The following CPNE4 variants were observed in gnomAD, a reference collection of about 807,000 sequenced individuals.
The protein encoded by CPNE4 is copine 4, also known as copine-4.
A neutral mutation model predicts 67.9 loss-of-function variants in CPNE4; 25 were observed. That is an observed-to-expected ratio of 0.37 (90% CI 0.27 to 0.51). The LOEUF (loss-of-function observed/expected upper bound fraction) is 0.51. Ranked by LOEUF, CPNE4 falls within the 20% of genes least tolerant of loss-of-function variation. The pLI is 0.93. For synonymous variants in CPNE4, 242 were observed against 244.9 expected (o/e 0.99, Z 0.11); for missense variants, 464 against 690.8 (o/e 0.67, Z 3.68).
At position 131,757,597 on chromosome 3, in the gene CPNE4, T is replaced by G. The variant is rs537713397; in HGVS notation, c.181-33972A>C. On this transcript the variant is annotated intron_variant, in intron 2 of 15. Coordinates refer to ENST00000429747, the MANE Select transcript of CPNE4 (RefSeq NM_130808.3). ...AGTGCAATAGAAAAGAAAATCCCAT[T>G]TTCTGAGAAGAAATTCAAGCCGGCT... Among the ~76,000 whole-genome samples the G allele has an allele frequency of 1.4e-3, 206 of 152,286 alleles. 2 individuals carry two copies. The highest frequency in any genetic ancestry group is 4.8e-3 in the African/African-American group (200 of 41,554).
chr3:131,878,468 T>C (rs554280091), intron 2 of CPNE4, among the ~76,000 whole-genome samples: 2 of 152,296 alleles, frequency 1.3e-5, no homozygotes, highest in South Asian at 4.1e-4. Context: ...TGGCACAGAA[T>C]GAGGGGCAGT....
At chr3:131,972,739 C>G (rs894547384) in intron 1 of CPNE4, among the ~76,000 whole-genome samples, 1 of 152,102 alleles carries the variant, frequency 6.6e-6, no homozygotes, top group Non-Finnish European at 1.5e-5. Context: ...GGCTCTCATC[C>G]TGCATTTGTT....
rs187394884 is a variant in CPNE4, at chr3:132,034,680, T to C, written c.-115A>G. 6.1e-6 allele frequency: 6 copies of C among 985,246 alleles called. 1 individual carries two copies. In the South Asian group the frequency reaches 1.4e-4, roughly 23 times the overall value. The allele number at this position is 985,246 out of a possible 1,614,324, so 61.0% of individuals were successfully genotyped here. Reference sequence around the variant, plus strand: ...GTGGAGGTGGTTGGTGTGGTAGTTTTGTACTGATGTAAGGGGCGTCGCACC... The same window carrying C: ...GTGGAGGTGGTTGGTGTGGTAGTTTCGTACTGATGTAAGGGGCGTCGCACC... On this transcript the variant is annotated 5_prime_UTR_variant, in exon 1 of 16. Coordinates refer to ENST00000429747, the MANE Select transcript of CPNE4 (RefSeq NM_130808.3).
intron 1 of CPNE4, among the ~76,000 whole-genome samples, chr3:131,958,448 A>C (rs1251568772): frequency 6.6e-6 from 1 of 152,008 alleles, no homozygotes. Flanking sequence ...GAGCCCAGGA[A>C]GCTGTTTCAG....
chr3:131,573,281 C>T (rs949705815), intron 10 of CPNE4, among the ~76,000 whole-genome samples: 5 of 152,032 alleles, frequency 3.3e-5, no homozygotes, highest in African/African-American at 1.2e-4. Context: ...CTCACACCTC[C>T]CACAGGTCTA....
intron 7 of CPNE4, among the ~76,000 whole-genome samples, chr3:131,612,613 C>T (rs1032986467): frequency 1.3e-5 from 2 of 152,026 alleles, no homozygotes; most frequent in East Asian, 1.9e-4. Flanking sequence ...TGGCAAATAC[C>T]GGGCACAGGC....
intron 2 of CPNE4, among the ~76,000 whole-genome samples, chr3:131,746,128 G>A (rs1159488698): frequency 1.3e-5 from 2 of 151,958 alleles, no homozygotes; most frequent in Non-Finnish European, 2.9e-5. Context: ...AGTGTTTCAG[G>A]TTTTAAAAAA....
At chr3:131,950,900 A>T (rs1235871564) in intron 1 of CPNE4, among the ~76,000 whole-genome samples, 1 of 152,184 alleles carries the variant, frequency 6.6e-6, no homozygotes, top group South Asian at 2.1e-4. Flanking sequence ...ATTTGTTTAC[A>T]TTTGGATTTA....
intron 1 of CPNE4, among the ~76,000 whole-genome samples, chr3:131,973,068 T>C (rs747209596): frequency 6.1e-4 from 93 of 152,248 alleles, no homozygotes; most frequent in Admixed American, 1.4e-3. Context: ...GCCCTAAAAA[T>C]CCCAACTGGT....
At chr3:131,561,755 C>G (rs535757397) in intron 11 of CPNE4, among the ~76,000 whole-genome samples, 1 of 152,162 alleles carries the variant, frequency 6.6e-6, no homozygotes, top group Admixed American at 6.5e-5. Context: ...CCCAACCACA[C>G]TGACTTTGAT....
chr3:131,786,513 T>C lies in CPNE4; in HGVS notation c.181-62888A>G, dbSNP rs576833423. On this transcript the variant is annotated intron_variant, in intron 2 of 15. Transcript: ENST00000429747. Reference sequence around the variant, plus strand: ...CTTTACATTACCTTTTCTAATGTAATCATCCAAATAACTCCATGAGATAAA... The same window carrying C: ...CTTTACATTACCTTTTCTAATGTAACCATCCAAATAACTCCATGAGATAAA... Among the ~76,000 whole-genome samples the C allele has an allele frequency of 4.6e-5, 7 of 152,292 alleles. No individual in the cohort carries two copies. In the East Asian group the frequency reaches 1.4e-3, roughly 29 times the overall value.
At chr3:131,604,216 C>T (rs755563779) in intron 7 of CPNE4, among the ~76,000 whole-genome samples, 4 of 152,110 alleles carry the variant, frequency 2.6e-5, no homozygotes, top group Non-Finnish European at 4.4e-5. Context: ...TAATATAGCT[C>T]TAACTCCAAC....
At chr3:132,031,833 T>C (rs72996841) in intron 1 of CPNE4, among the ~76,000 whole-genome samples, 1 of 152,330 alleles carries the variant, frequency 6.6e-6, no homozygotes, top group African/African-American at 2.4e-5. Context: ...TTGTTTCTTA[T>C]AGTCAGTATA....
chr3:131,917,507 G>T (rs762174571), intron 1 of CPNE4, among the ~76,000 whole-genome samples: 3 of 152,048 alleles, frequency 2.0e-5, no homozygotes, highest in Non-Finnish European at 2.9e-5. Flanking sequence ...GGAAGGAGTG[G>T]TGTCGGCATG....
At chr3:131,942,834 C>A (rs1296942052) in intron 1 of CPNE4, among the ~76,000 whole-genome samples, 1 of 152,160 alleles carries the variant, frequency 6.6e-6, no homozygotes, top group African/African-American at 2.4e-5. Flanking sequence ...TCTCTAAGAT[C>A]TCTTCCTGCC....
chr3:131,632,717 A>G (rs1413962373), intron 7 of CPNE4, among the ~76,000 whole-genome samples: 1 of 152,160 alleles, frequency 6.6e-6, no homozygotes, highest in Non-Finnish European at 1.5e-5. Flanking sequence ...CTACTAAGCC[A>G]TGCCCCAAAG....
At position 131,752,326 on chromosome 3, in the gene CPNE4, T is replaced by C. The variant is rs116254846; in HGVS notation, c.181-28701A>G. On this transcript the variant is annotated intron_variant, in intron 2 of 15. Transcript: ENST00000429747. ...ATTTTTCTCTGGTGTTTGGCTAGAGTAATTATTGTCTAGAACCTTTTTTGT... is the reference window on the plus strand; with the variant it reads ...ATTTTTCTCTGGTGTTTGGCTAGAGCAATTATTGTCTAGAACCTTTTTTGT... Among the ~76,000 whole-genome samples the C allele has an allele frequency of 3.7e-3, 559 of 152,120 alleles. 2 individuals are homozygous for C. Among genetic ancestry groups the C allele is most frequent in the African/African-American group, 0.013 (530 of 41,478 alleles).
At chr3:131,952,607 CGGA>C (rs746964624) in intron 1 of CPNE4, among the ~76,000 whole-genome samples, 1 of 119,324 alleles carries the variant, frequency 8.4e-6, no homozygotes, top group Non-Finnish European at 1.7e-5. Flanking sequence ...CCGCCCCGTC[CGGA>C]GGGAGGTGGG....
chr3:132,028,870 C>T (rs2074174980), intron 1 of CPNE4, among the ~76,000 whole-genome samples: 1 of 149,426 alleles, frequency 6.7e-6, no homozygotes, highest in Admixed American at 6.7e-5. Flanking sequence ...ATCTCTATAT[C>T]GATTACATGA....
Sources: allele counts gnomAD v4.1 joint callset (sites outside exome capture counted in the v4.1 genomes callset), GRCh38; gene constraint gnomAD v4.1.1; transcripts MANE v1.5; gene names NCBI Gene and HGNC (gene_info 2026-07-23, HGNC 2026-07-21).